PM20D2: variants seen among roughly 807,000 people sequenced by gnomAD.
PM20D2 encodes the protein peptidase M20 domain containing 2, also known as xaa-Arg dipeptidase.
A neutral mutation model predicts 42.9 loss-of-function variants in PM20D2; 33 were observed. The ratio of observed to expected loss-of-function variants is 0.77; its 90% CI spans 0.58 to 1.03. The LOEUF (loss-of-function observed/expected upper bound fraction) is 1.03, where lower values mean the gene tolerates loss of function less well. PM20D2 is among the 50% of genes least tolerant of loss of function. PM20D2 has a pLI of 0.00. For synonymous variants in PM20D2, 250 were observed against 228.2 expected (o/e 1.10, Z -0.86); for missense variants, 548 against 557.0 (o/e 0.98, Z 0.16).
Position 89,162,512 on chromosome 6 carries a change from A to C in PM20D2, c.*249A>C. The C allele has an allele frequency of 3.3e-6, 1 of 304,712 alleles. No homozygotes were observed. 18.9% of individuals were successfully genotyped at this position (304,712 alleles called of 1,614,324 possible). A position where few individuals can be genotyped will look rare whatever the true frequency, so the allele number is the denominator to read the frequency against. On this transcript the variant is annotated 3_prime_UTR_variant, in exon 7 of 7. Coordinates refer to ENST00000275072, the MANE Select transcript of PM20D2 (RefSeq NM_001010853.3). ...GTGATGCCATTCTTTCTTTTTTTTT[A>C]CCCCGCAACCACTCACCTTCACAGT...
chr6:89,098,790 T>C, the PM20D2 span: 1 of 1,613,976 alleles, frequency 6.2e-7, no homozygotes, highest in Non-Finnish European at 8.5e-7. Flanking sequence ...GATTTTCCTA[T>C]TGACTTGGAC....
In PM20D2 at chr6:89,164,644, T is replaced by C. The variant is rs1771350253; in HGVS notation, c.*2381T>C. 6.6e-6 allele frequency: 1 copy of C among 152,428 alleles called. No individual in the cohort carries two copies. The highest frequency in any genetic ancestry group is 1.9e-4 in the East Asian group (1 of 5,202). The allele number at this position is 152,428 out of a possible 1,614,324, so 9.4% of individuals were successfully genotyped here. On this transcript the variant is annotated 3_prime_UTR_variant, in exon 7 of 7. Transcript: ENST00000275072. Reference sequence around the variant, plus strand: ...ATAATCCTTAGATTTAGGAAAGCAATCAGTTAATGTCTTTAGCACACTAAA... The same window carrying C: ...ATAATCCTTAGATTTAGGAAAGCAACCAGTTAATGTCTTTAGCACACTAAA...
chr6:89,118,133 A>T, the PM20D2 span: 1 of 151,860 alleles, frequency 6.6e-6, no homozygotes, highest in Non-Finnish European at 1.5e-5. Flanking sequence ...GGAATTCCGA[A>T]GACAGGAGCG....
chr6:89,098,651 A>C, the PM20D2 span: 4 of 1,613,984 alleles, frequency 2.5e-6, no homozygotes, highest in Non-Finnish European at 3.4e-6. Flanking sequence ...TGCTGTTTGT[A>C]CTTTAGTTTC....
chr6:89,165,183 G>A lies in PM20D2; in HGVS notation c.*2920G>A, dbSNP rs1292290044. 1 of 151,238 alleles carries A rather than the reference G, an allele frequency of 6.6e-6. No individual in the cohort carries two copies. The highest frequency in any genetic ancestry group is 2.4e-5 in the African/African-American group (1 of 41,160). 9.4% of individuals were successfully genotyped at this position (151,238 alleles called of 1,614,324 possible). On this transcript the variant is annotated 3_prime_UTR_variant, in exon 7 of 7. Transcript: ENST00000275072. ...TGATTGTCTAATTTTGTAATATGTTGTTTTTTAAAAACCTGTCTGATGGTG... is the reference window on the plus strand; with the variant it reads ...TGATTGTCTAATTTTGTAATATGTTATTTTTTAAAAACCTGTCTGATGGTG...
At chr6:89,113,450 G>A in the PM20D2 span, among the ~76,000 whole-genome samples, 1 of 151,882 alleles carries the variant, frequency 6.6e-6, no homozygotes, top group Non-Finnish European at 1.5e-5. Context: ...GGGATTATAG[G>A]CGTGAGCCAC....
chr6:89,144,514 C>T (rs1216975765), upstream of PM20D2, among the ~76,000 whole-genome samples: 1 of 152,206 alleles, frequency 6.6e-6, no homozygotes, highest in East Asian at 1.9e-4. Context: ...CTGACTCTGG[C>T]TTCTGTTCTA....
At chr6:89,157,370 T>G (rs1313998264) in intron 4 of PM20D2, among the ~76,000 whole-genome samples, 1 of 152,236 alleles carries the variant, frequency 6.6e-6, no homozygotes, top group Non-Finnish European at 1.5e-5. Flanking sequence ...TATGATTGGC[T>G]TTTGCTAATA....
chr6:89,114,301 A>T, the PM20D2 span, among the ~76,000 whole-genome samples: 3,294 of 152,210 alleles, frequency 0.022, 48 homozygotes, highest in Admixed American at 0.032. Context: ...GGTGGCACAC[A>T]TCTGTAATCC....
At chr6:89,109,086 A>G in the PM20D2 span, among the ~76,000 whole-genome samples, 1 of 152,328 alleles carries the variant, frequency 6.6e-6, no homozygotes, top group South Asian at 2.1e-4. Flanking sequence ...GAAACAAGAA[A>G]AACACAATTC....
chr6:89,143,885 A>G (rs1770424616), upstream of PM20D2, among the ~76,000 whole-genome samples: 1 of 152,214 alleles, frequency 6.6e-6, no homozygotes, highest in African/African-American at 2.4e-5. Flanking sequence ...TTTAATGGTT[A>G]ATTGCTGCCA....
chr6:89,098,985 CAAA>C, the PM20D2 span: 4 of 1,553,208 alleles, frequency 2.6e-6, no homozygotes, highest in Non-Finnish European at 3.5e-6. Context: ...ATATTTCACA[CAAA>C]ATAAGAGATC....
the PM20D2 span, chr6:89,106,961 A>C: frequency 1.6e-6 from 1 of 635,178 alleles, no homozygotes; most frequent in Non-Finnish European, 2.9e-6. Flanking sequence ...TTATGCTTGG[A>C]TTCTAGCTAA....
At chr6:89,120,851 A>G in the PM20D2 span, among the ~76,000 whole-genome samples, 1 of 152,208 alleles carries the variant, frequency 6.6e-6, no homozygotes. Context: ...GCATTCCAGC[A>G]TGAGTGACAG....
the PM20D2 span, among the ~76,000 whole-genome samples, chr6:89,128,002 AATTG>A: frequency 4.6e-5 from 7 of 152,252 alleles, no homozygotes; most frequent in Non-Finnish European, 8.8e-5. Context: ...TAACTGTACA[AATTG>A]ATTGTAAAAC....
chr6:89,145,642 C>CCGT (rs1486797976), upstream of PM20D2, among the ~76,000 whole-genome samples: 2 of 152,162 alleles, frequency 1.3e-5, no homozygotes, highest in Non-Finnish European at 2.9e-5. Flanking sequence ...ACGTACAGTA[C>CCGT]CGTCGTTAGT....
intron 2 of PM20D2, among the ~76,000 whole-genome samples, chr6:89,151,248 T>C (rs1252538147): frequency 3.3e-5 from 5 of 151,328 alleles, no homozygotes; most frequent in Non-Finnish European, 3.0e-5. Flanking sequence ...TTTTTTTTTT[T>C]CCGAGAGAGT....
the PM20D2 span, among the ~76,000 whole-genome samples, chr6:89,109,795 C>T: frequency 6.6e-6 from 1 of 152,176 alleles, no homozygotes; most frequent in Non-Finnish European, 1.5e-5. Context: ...TATCTACCAA[C>T]AAGATTTATT....
the PM20D2 span, among the ~76,000 whole-genome samples, chr6:89,115,281 TTTTA>T: frequency 9.9e-5 from 15 of 152,046 alleles, 2 homozygotes; most frequent in Admixed American, 3.9e-4. Flanking sequence ...TATAGCTTTC[TTTTA>T]TTTATTTATT....
Sources: allele counts gnomAD v4.1 joint callset (sites outside exome capture counted in the v4.1 genomes callset), GRCh38; gene constraint gnomAD v4.1.1; transcripts MANE v1.5; gene names NCBI Gene and HGNC (gene_info 2026-07-23, HGNC 2026-07-21).